NALCN: variants seen among roughly 807,000 people sequenced by gnomAD.
The protein encoded by NALCN is sodium leak channel, non-selective, also known as sodium leak channel NALCN.
A neutral mutation model predicts 225.3 loss-of-function variants in NALCN; 111 were observed. The ratio of observed to expected loss-of-function variants is 0.49; its 90% CI spans 0.42 to 0.58. The LOEUF (loss-of-function observed/expected upper bound fraction) is 0.58, where lower values mean the gene tolerates loss of function less well. NALCN is among the 20% of genes least tolerant of loss of function. The probability of loss-of-function intolerance (pLI) is 0.00; values close to 1 mark genes in which losing one functional copy is unlikely to be tolerated. For synonymous variants in NALCN, 764 were observed against 769.0 expected (o/e 0.99, Z 0.11); for missense variants, 1,378 against 2,202.4 (o/e 0.63, Z 7.49).
chr13:101,256,218 T>C (rs1335043059), intron 11 of NALCN, among the ~76,000 whole-genome samples: 1 of 152,210 alleles, frequency 6.6e-6, no homozygotes, highest in Non-Finnish European at 1.5e-5. Context: ...TCTCTGATCA[T>C]AACCTCTTCT....
At chr13:101,291,358 T>C (rs1169248547) in intron 9 of NALCN, among the ~76,000 whole-genome samples, 1 of 152,178 alleles carries the variant, frequency 6.6e-6, no homozygotes, top group Non-Finnish European at 1.5e-5. Context: ...GTGGTTGCAT[T>C]TTATCCACAA....
intron 1 of NALCN, among the ~76,000 whole-genome samples, chr13:101,409,483 G>A (rs76254129): frequency 0.023 from 3,528 of 151,984 alleles, 63 homozygotes; most frequent in South Asian, 0.045. Flanking sequence ...GGCCACCACC[G>A]TCCTACCCTG....
rs546177180 is a variant in NALCN at position 101,213,629 on chromosome 13, C to A, written c.1626+15764G>T. 2.0e-5 allele frequency among the ~76,000 whole-genome samples: 3 copies of A among 152,196 alleles called. No individual in the cohort carries two copies. In the East Asian group the frequency reaches 5.8e-4, roughly 29 times the overall value. ...TCAAACAACTCCTTCAAAAAGTGGG[C>A]GAAGGATATGAACAGACACTTCTCA... On this transcript the variant is annotated intron_variant, in intron 13 of 43. Transcript: ENST00000251127.
intron 37 of NALCN, among the ~76,000 whole-genome samples, chr13:101,071,929 T>C (rs192713946): frequency 6.6e-6 from 1 of 152,296 alleles, no homozygotes; most frequent in African/African-American, 2.4e-5. Context: ...TGAATCGGCC[T>C]AATGTCAATA....
At chr13:101,224,822 C>A (rs554199478) in intron 13 of NALCN, among the ~76,000 whole-genome samples, 1 of 152,280 alleles carries the variant, frequency 6.6e-6, no homozygotes, top group South Asian at 2.1e-4. Flanking sequence ...CACACACCCC[C>A]CTTTTACAAC....
intron 1 of NALCN, among the ~76,000 whole-genome samples, chr13:101,403,757 G>A (rs929068573): frequency 6.6e-6 from 1 of 152,160 alleles, no homozygotes. Flanking sequence ...AAGTGAAATT[G>A]TTTATCAACC....
At chr13:101,134,520 T>G (rs1245994455) in intron 17 of NALCN, among the ~76,000 whole-genome samples, 1 of 152,260 alleles carries the variant, frequency 6.6e-6, no homozygotes, top group Admixed American at 6.5e-5. Context: ...GAAAATTGAA[T>G]TAATTTCATA....
At chr13:101,396,421 T>C (rs1032213303) in intron 2 of NALCN, among the ~76,000 whole-genome samples, 2 of 152,134 alleles carry the variant, frequency 1.3e-5, no homozygotes, top group African/African-American at 4.8e-5. Flanking sequence ...TATAATACTC[T>C]GAAAAAAATT....
chr13:101,230,867 T>G lies in NALCN; in HGVS notation c.1435-1283A>C, dbSNP rs2041317784. On this transcript the variant is annotated intron_variant, in intron 12 of 43. Coordinates refer to ENST00000251127, the MANE Select transcript of NALCN (RefSeq NM_052867.4). ...GTGTGTGTGTATATATTTACATATATTTTAGTCATGCATCGCATAACTTTT... is the reference window on the plus strand; with the variant it reads ...GTGTGTGTGTATATATTTACATATAGTTTAGTCATGCATCGCATAACTTTT... Among the ~76,000 whole-genome samples the G allele has an allele frequency of 3.3e-5, 5 of 152,220 alleles. No individual in the cohort carries two copies. In the South Asian group the frequency reaches 1.0e-3, roughly 32 times the overall value.
At chr13:101,238,427 A>T (rs1412389140) in intron 11 of NALCN, among the ~76,000 whole-genome samples, 1 of 151,962 alleles carries the variant, frequency 6.6e-6, no homozygotes, top group African/African-American at 2.4e-5. Context: ...CAAGCAATTG[A>T]TCTATGTGTG....
chr13:101,080,617 TTA>T (rs2033573886), intron 34 of NALCN, among the ~76,000 whole-genome samples: 2 of 144,812 alleles, frequency 1.4e-5, no homozygotes, highest in Non-Finnish European at 1.5e-5. Flanking sequence ...ATATAATCAA[TTA>T]AATTAATTAT....
intron 1 of NALCN, among the ~76,000 whole-genome samples, chr13:101,400,747 T>A (rs1226403011): frequency 6.6e-6 from 1 of 152,140 alleles, no homozygotes; most frequent in Non-Finnish European, 1.5e-5. Context: ...CTAACTCTCC[T>A]GATATGGGTT....
chr13:101,369,789 C>T (rs1316978501), intron 6 of NALCN, among the ~76,000 whole-genome samples: 3 of 152,056 alleles, frequency 2.0e-5, no homozygotes, highest in Non-Finnish European at 4.4e-5. Flanking sequence ...AGCCTACATA[C>T]ACTAAAAAAA....
intron 11 of NALCN, among the ~76,000 whole-genome samples, chr13:101,256,246 A>G: frequency 6.6e-6 from 1 of 152,100 alleles, no homozygotes; most frequent in East Asian, 1.9e-4. Context: ...TTATTCCATC[A>G]CTTTGGTGGT....
rs146674340 is a variant in NALCN, at chr13:101,400,749, A to G, written c.-39-1584T>C. Among the ~76,000 whole-genome samples the G allele has an allele frequency of 4.7e-3, 718 of 152,066 alleles. 8 individuals are homozygous for G. Among genetic ancestry groups the G allele is most frequent in the African/African-American group, 0.017 (687 of 41,466 alleles). On this transcript the variant is annotated intron_variant, in intron 1 of 43. Transcript: ENST00000251127. Reference sequence around the variant, plus strand: ...CAGGTATCTCTGCCTAACTCTCCTGATATGGGTTGGCTGTGTCCTCCCACC... The same window carrying G: ...CAGGTATCTCTGCCTAACTCTCCTGGTATGGGTTGGCTGTGTCCTCCCACC...
chr13:101,202,957 C>A (rs751720262), intron 13 of NALCN, among the ~76,000 whole-genome samples: 20 of 152,168 alleles, frequency 1.3e-4, no homozygotes, highest in Admixed American at 9.2e-4. Context: ...GCTTTCACAG[C>A]GTCTGAGTCT....
intron 10 of NALCN, among the ~76,000 whole-genome samples, chr13:101,265,665 CA>C (rs1427874571): frequency 6.6e-6 from 1 of 152,186 alleles, no homozygotes; most frequent in Non-Finnish European, 1.5e-5. Flanking sequence ...CATGTAATAA[CA>C]TCTTTAATCC....
intron 1 of NALCN, among the ~76,000 whole-genome samples, chr13:101,402,962 A>G (rs991048629): frequency 2.0e-5 from 3 of 152,006 alleles, no homozygotes; most frequent in Non-Finnish European, 4.4e-5. Context: ...TATATGTACA[A>G]CGGCCTTTTT....
intron 7 of NALCN, among the ~76,000 whole-genome samples, chr13:101,334,484 T>TGGAGAGAGGCAATCCA (rs1566587752): frequency 6.6e-6 from 1 of 152,272 alleles, no homozygotes; most frequent in African/African-American, 2.4e-5. Context: ...AAGAAGAGAA[T>TGGAGAGAGGCAATCCA]GGACTGCCAG....
Sources: gnomAD v4.1 joint callset for allele counts (sites outside exome capture counted in the v4.1 genomes callset) on GRCh38, gnomAD v4.1.1 for gene constraint, MANE v1.5 for transcripts, NCBI Gene and HGNC (gene_info 2026-07-23, HGNC 2026-07-21) for gene names.